Variants in PLS3 observed in about 807,000 individuals in gnomAD.
PLS3 encodes the protein plastin-3.
PLS3 carries 11 observed loss-of-function variants against 46.5 expected under a neutral mutation model. The observed-to-expected ratio is 0.24, with a 90% CI of 0.15 to 0.39. The LOEUF (loss-of-function observed/expected upper bound fraction) is 0.39, where lower values mean the gene tolerates loss of function less well. Ranked by LOEUF, PLS3 falls within the 10% of genes least tolerant of loss-of-function variation. The pLI, the probability that PLS3 is intolerant of heterozygous loss-of-function variation, is 1.00. For synonymous variants in PLS3, 167 were observed against 162.2 expected (o/e 1.03, Z -0.22); for missense variants, 308 against 461.8 (o/e 0.67, Z 3.05).
At chrX:115,583,581 G>A (rs986479485) in intron 1 of PLS3, among the ~76,000 whole-genome samples, 1 of 112,555 alleles carries the variant, frequency 8.9e-6, no homozygotes, top group Middle Eastern at 4.7e-3. Context: ...TGTATTTAAC[G>A]CTTTGAAGTG....
chrX:115,618,311 C>T (rs371704203), intron 2 of PLS3, among the ~76,000 whole-genome samples: 2 of 112,251 alleles, frequency 1.8e-5, no homozygotes, highest in African/African-American at 3.2e-5. Context: ...AGCACAGTGG[C>T]TCATACCTGT....
In PLS3 at chrX:115,629,733, C is replaced by A. The variant is rs959777599; in HGVS notation, c.368-102C>A. On this transcript the variant is annotated intron_variant, in intron 4 of 15. Transcript: ENST00000355899. ...ACAGAATAACCACATGTTTCTGACACATTAACTTTCAGCACTACTGCACAA... is the reference window on the plus strand; with the variant it reads ...ACAGAATAACCACATGTTTCTGACAAATTAACTTTCAGCACTACTGCACAA... 19 of 504,428 alleles carry A rather than the reference C, an allele frequency of 3.8e-5. No homozygotes were observed. The Admixed American group carries it at 4.7e-4, about 13-fold the overall frequency. 41.6% of individuals were successfully genotyped at this position (504,428 alleles called of 1,213,427 possible).
At chrX:115,594,666 TCTCA>T (rs1187725663) in intron 1 of PLS3, among the ~76,000 whole-genome samples, 1 of 102,913 alleles carries the variant, frequency 9.7e-6, no homozygotes, top group African/African-American at 3.9e-5. Context: ...TCTCTCTCTC[TCTCA>T]CACACACACA....
Position 115,622,416 on chromosome X carries a change from A to T in PLS3, c.237+7A>T, listed in dbSNP as rs1556637779. The stretch of plus-strand genomic sequence containing the variant: ...TTTTGACGAATTTGTTTATGTAAGT[A>T]TGTGAAAATTCACAATTATTAGAAG... On this transcript the variant is annotated splice_region_variant and intron_variant, in intron 3 of 15. Coordinates refer to ENST00000355899, the MANE Select transcript of PLS3 (RefSeq NM_005032.7). The T allele has an allele frequency of 1.8e-6, 2 of 1,125,193 alleles. No individual in the cohort carries two copies. The highest frequency in any genetic ancestry group is 2.4e-6 in the Non-Finnish European group (2 of 822,358). The allele number at this position is 1,125,193 out of a possible 1,213,427, so 92.7% of individuals were successfully genotyped here. A position where few individuals can be genotyped will look rare whatever the true frequency, so the allele number is the denominator to read the frequency against.
At chrX:115,590,209 C>T in intron 1 of PLS3, among the ~76,000 whole-genome samples, 1 of 111,431 alleles carries the variant, frequency 9.0e-6, no homozygotes. Context: ...GAGAGAGTGA[C>T]AGTGAGAATT....
chrX:115,609,075 AAAAG>A (rs1177998128), intron 1 of PLS3, among the ~76,000 whole-genome samples: 1 of 110,981 alleles, frequency 9.0e-6, no homozygotes, highest in Non-Finnish European at 1.9e-5. Context: ...TCTTTACAAA[AAAAG>A]AGAAAGAAAT....
chrX:115,629,462 G>T, intron 4 of PLS3, 135 bp downstream of exon 4: 1 of 538,750 alleles, frequency 1.9e-6, no homozygotes. Context: ...ATGTATTTAG[G>T]CTTGAGACTA....
At chrX:115,631,636 G>A (rs2074776723) in intron 5 of PLS3, among the ~76,000 whole-genome samples, 2 of 111,080 alleles carry the variant, frequency 1.8e-5, no homozygotes, top group Non-Finnish European at 3.8e-5. Context: ...GAGAGGCTGA[G>A]GCAGGAGGAT....
chrX:115,581,468 A>G (rs1435930589), intron 1 of PLS3, among the ~76,000 whole-genome samples: 5 of 112,384 alleles, frequency 4.4e-5, no homozygotes, highest in African/African-American at 1.6e-4. Context: ...TTCTTAATTT[A>G]AAAGAACACT....
chrX:115,618,717 G>A (rs1475003456), intron 2 of PLS3, among the ~76,000 whole-genome samples: 4 of 111,512 alleles, frequency 3.6e-5, no homozygotes, highest in Non-Finnish European at 5.6e-5. Context: ...CCAACATGAC[G>A]AAACCCCATC....
intron 7 of PLS3, among the ~76,000 whole-genome samples, chrX:115,636,448 C>T (rs1012215578): frequency 6.3e-5 from 7 of 110,996 alleles, no homozygotes; most frequent in African/African-American, 2.0e-4. Context: ...CCTCGTGATC[C>T]GCCCGCCTCG....
chrX:115,627,094 C>T (rs782614591), intron 3 of PLS3, among the ~76,000 whole-genome samples: 1 of 111,017 alleles, frequency 9.0e-6, no homozygotes, highest in East Asian at 2.8e-4. Context: ...TCAAGTGATC[C>T]ACCCACTTTG....
intron 1 of PLS3, among the ~76,000 whole-genome samples, chrX:115,583,571 T>C (rs1421200626): frequency 3.5e-5 from 4 of 112,684 alleles, no homozygotes; most frequent in Non-Finnish European, 7.5e-5. Context: ...TCTTCATGGA[T>C]GTATTTAACG....
At position 115,587,141 on chromosome X, in the gene PLS3, T is replaced by C. The variant is rs146409413; in HGVS notation, c.-8-23102T>C. ...CAAAAGCAGTAGTGGGTAAAGCTGCTGAATCAAGATAGTGGCCCCACACTG... is the reference window on the plus strand; with the variant it reads ...CAAAAGCAGTAGTGGGTAAAGCTGCCGAATCAAGATAGTGGCCCCACACTG... On this transcript the variant is annotated intron_variant, in intron 1 of 15. Transcript: ENST00000355899. 2.2e-3 allele frequency among the ~76,000 whole-genome samples: 246 copies of C among 112,586 alleles called. 4 individuals are homozygous for C. Among genetic ancestry groups the C allele is most frequent in the African/African-American group, 6.1e-3 (190 of 31,033 alleles).
intron 2 of PLS3, among the ~76,000 whole-genome samples, chrX:115,618,437 T>C (rs190102764): frequency 6.4e-5 from 7 of 109,473 alleles, no homozygotes; most frequent in African/African-American, 2.3e-4. Flanking sequence ...AAACAAAAAG[T>C]TAGCTGGGCA....
Position 115,645,090 on chromosome X carries a change from A to G in PLS3, c.1253A>G (p.His418Arg). The G allele has an allele frequency of 8.7e-7, 1 of 1,154,988 alleles. No individual in the cohort carries two copies. Among genetic ancestry groups the G allele is most frequent in the Non-Finnish European group, 1.2e-6 (1 of 844,543 alleles). Reference sequence around the variant, plus strand: ...CTTGGTGTCAATCCTCACGTAAACCATCTCTATGCGTAAGCCTTCCTACTG... The same window carrying G: ...CTTGGTGTCAATCCTCACGTAAACCGTCTCTATGCGTAAGCCTTCCTACTG... Reference protein sequence around the residue: ...NSLGVNPHVNHLYADLQDALV... With the variant: ...NSLGVNPHVNRLYADLQDALV... The change falls in exon 11 of 16, where the codon CAT becomes CGT. Residue 418 changes from histidine (H) to arginine (R), a missense_variant. Physicochemically the swap from His to Arg is conservative, Grantham distance 29. Coordinates refer to ENST00000355899, the MANE Select transcript of PLS3 (RefSeq NM_005032.7).
At chrX:115,630,940 G>A (rs1470172392) in intron 5 of PLS3, among the ~76,000 whole-genome samples, 7 of 89,814 alleles carry the variant, frequency 7.8e-5, no homozygotes, top group African/African-American at 2.9e-4. Context: ...AAATATATAT[G>A]TATAATATAT....
At chrX:115,566,909 C>A (rs1477973735) in intron 1 of PLS3, among the ~76,000 whole-genome samples, 1 of 110,764 alleles carries the variant, frequency 9.0e-6, no homozygotes, top group Non-Finnish European at 1.9e-5. Context: ...GAATTCCTGA[C>A]CTTGTGATCC....
At chrX:115,594,227 T>C (rs1282672552) in intron 1 of PLS3, among the ~76,000 whole-genome samples, 2 of 111,354 alleles carry the variant, frequency 1.8e-5, no homozygotes, top group Non-Finnish European at 3.8e-5. Context: ...TTGGCAGCAA[T>C]AGTGATTTCT....
Sources: allele counts gnomAD v4.1 joint callset (sites outside exome capture counted in the v4.1 genomes callset), GRCh38; gene constraint gnomAD v4.1.1; transcripts MANE v1.5; gene names NCBI Gene and HGNC (gene_info 2026-07-23, HGNC 2026-07-21).